BNIP1: variants seen among roughly 807,000 people sequenced by gnomAD.
The protein encoded by BNIP1 is vesicle transport protein SEC20.
BNIP1 carries 25 observed loss-of-function variants against 28.5 expected under a neutral mutation model. The observed-to-expected ratio is 0.88, with a 90% CI of 0.64 to 1.23. The LOEUF (loss-of-function observed/expected upper bound fraction) is 1.23, where lower values mean the gene tolerates loss of function less well. BNIP1 is among the 50% of genes most tolerant of loss of function. The pLI is 0.00. For missense variants in BNIP1, 276 were observed against 277.0 expected, an observed-to-expected ratio of 1.00 and a Z score of 0.02; for synonymous variants, 118 against 101.7, an observed-to-expected ratio of 1.16 and a Z score of -0.96.
At chr5:173,151,622 A>C in intron 2 of BNIP1, 1 of 1,612,416 alleles carries the variant, frequency 6.2e-7, no homozygotes, top group South Asian at 1.1e-5. Context: ...TTTTTAAGCT[A>C]ACTTATTCCC....
intron 2 of BNIP1, among the ~76,000 whole-genome samples, chr5:173,152,629 G>A (rs754385293): frequency 3.2e-4 from 49 of 152,164 alleles, no homozygotes; most frequent in Non-Finnish European, 5.7e-4. Flanking sequence ...AATTATAGGC[G>A]TGAACCACCA....
intron 3 of BNIP1, among the ~76,000 whole-genome samples, chr5:173,158,494 C>T (rs3749704): frequency 0.034 from 5,204 of 152,280 alleles, 123 homozygotes; most frequent in South Asian, 0.088. Flanking sequence ...CTTGGGCTGA[C>T]GGGGGCAGAG....
intron 4 of BNIP1, 125 bp downstream of exon 4, chr5:173,158,970 G>A: frequency 3.2e-5 from 19 of 593,444 alleles, no homozygotes; most frequent in Admixed American, 3.7e-5. Context: ...TTTTAAGTTT[G>A]AAAAAAATGC....
chr5:173,156,942 C>T (rs1760215126), intron 3 of BNIP1, among the ~76,000 whole-genome samples: 1 of 151,486 alleles, frequency 6.6e-6, no homozygotes, highest in Admixed American at 6.6e-5. Flanking sequence ...AGGCACCGTG[C>T]CCAGCCGACC....
chr5:173,144,948 C>T (rs5745104), intron 1 of BNIP1: 14,252 of 265,858 alleles, frequency 0.054, 497 homozygotes, highest in Middle Eastern at 0.13. Flanking sequence ...CCCTGACTAC[C>T]TCACAACCTA....
chr5:173,145,565 C>G (rs1026473152), intron 1 of BNIP1, among the ~76,000 whole-genome samples: 2 of 152,192 alleles, frequency 1.3e-5, no homozygotes, highest in African/African-American at 2.4e-5. Flanking sequence ...CCACGCCCGG[C>G]TAATTTTTGT....
chr5:173,148,134 A>ATATT, intron 2 of BNIP1, among the ~76,000 whole-genome samples: 1 of 99,570 alleles, frequency 1.0e-5, no homozygotes, highest in East Asian at 3.3e-4. Flanking sequence ...ATATATATAT[A>ATATT]TATTTTAATA....
intron 2 of BNIP1, 87 bp from the exon 3 acceptor site, chr5:173,154,235 G>A (rs1760113451): frequency 8.2e-7 from 1 of 1,215,458 alleles, no homozygotes; most frequent in African/African-American, 1.5e-5. Context: ...AAGTGCTATT[G>A]TATGCCCTTG....
chr5:173,157,699 G>A (rs1561597947), intron 3 of BNIP1, among the ~76,000 whole-genome samples: 1 of 151,836 alleles, frequency 6.6e-6, no homozygotes, highest in Non-Finnish European at 1.5e-5. Flanking sequence ...ACAGATGTGA[G>A]CCACCACGCC....
intron 3 of BNIP1, among the ~76,000 whole-genome samples, chr5:173,155,039 A>G (rs1388558397): frequency 2.0e-5 from 3 of 152,210 alleles, no homozygotes; most frequent in South Asian, 2.1e-4. Flanking sequence ...GATAATTGGT[A>G]CCAGAAAAAA....
In BNIP1 at chr5:173,154,332, A is replaced by C. The variant is rs995363344; in HGVS notation, c.188A>C (p.Gln63Pro). 1 of 1,613,576 alleles carries C rather than the reference A, an allele frequency of 6.2e-7. No individual in the cohort carries two copies. The highest frequency in any genetic ancestry group is 1.7e-5 in the Admixed American group (1 of 59,894). ...QLRHRIQDLE[Q>P]LAKEQDKESE... ...TATTTTTCCTCAAAGGACCTGGAGC[A>C]GTTGGCTAAAGAGCAAGACAAAGAA... Residue 63 changes from glutamine (Q) to proline (P), a missense_variant, in exon 3 of 6, where the codon CAG becomes CCG. By Grantham distance (76) the Gln-to-Pro change is moderately conservative (BLOSUM62 -1). Transcript: ENST00000351486.
rs1760245855 is a variant in BNIP1 at position 173,157,902 on chromosome 5, T to C, written c.270-842T>C. The stretch of plus-strand genomic sequence containing the variant: ...AACCTTGAAGAAATATTTTGAAAGA[T>C]TGGCTTTTTGTGTGTGTGTGTGTGT... On this transcript the variant is annotated intron_variant, in intron 3 of 5. Transcript: ENST00000351486. Among the ~76,000 whole-genome samples the C allele has an allele frequency of 3.3e-5, 5 of 151,924 alleles. No individual in the cohort carries two copies. The South Asian group carries it at 8.3e-4, about 25-fold the overall frequency.
intron 2 of BNIP1, among the ~76,000 whole-genome samples, chr5:173,149,114 G>C (rs1759945645): frequency 6.6e-6 from 1 of 152,210 alleles, no homozygotes; most frequent in African/African-American, 2.4e-5. Context: ...AGAAGTAGCA[G>C]TTTGAATAGT....
At chr5:173,147,353 C>T (rs1006673423) in intron 2 of BNIP1, among the ~76,000 whole-genome samples, 5 of 151,430 alleles carry the variant, frequency 3.3e-5, no homozygotes, top group South Asian at 2.1e-4. Context: ...TGCAGTGAGC[C>T]GAGATCGAGC....
At chr5:173,163,361 C>T (rs899550377) in intron 5 of BNIP1, among the ~76,000 whole-genome samples, 5 of 152,224 alleles carry the variant, frequency 3.3e-5, no homozygotes, top group African/African-American at 1.2e-4. Context: ...CCAACACAGA[C>T]CTCACAGTGC....
intron 1 of BNIP1, among the ~76,000 whole-genome samples, chr5:173,145,244 T>C (rs1209029592): frequency 6.6e-6 from 1 of 152,210 alleles, no homozygotes; most frequent in Admixed American, 6.5e-5. Flanking sequence ...CCTTAGAGTG[T>C]TACCCCGTTT....
intron 1 of BNIP1, chr5:173,144,874 A>C: frequency 2.2e-6 from 1 of 459,188 alleles, no homozygotes; most frequent in Non-Finnish European, 3.9e-6. Context: ...TCCGCCCCTG[A>C]CTCAGCTACT....
At chr5:173,156,627 C>G (rs997889534) in intron 3 of BNIP1, among the ~76,000 whole-genome samples, 2 of 150,762 alleles carry the variant, frequency 1.3e-5, no homozygotes, top group East Asian at 3.9e-4. Context: ...GGAGACAGAA[C>G]GAGACCCTGC....
At chr5:173,150,653 C>T (rs753830210) in intron 2 of BNIP1, among the ~76,000 whole-genome samples, 2 of 152,184 alleles carry the variant, frequency 1.3e-5, no homozygotes, top group Non-Finnish European at 2.9e-5. Context: ...CTCAGTTATG[C>T]CCCAGTTTTG....
Sources: allele counts gnomAD v4.1 joint callset (sites outside exome capture counted in the v4.1 genomes callset), GRCh38; gene constraint gnomAD v4.1.1; transcripts MANE v1.5; gene names NCBI Gene and HGNC (gene_info 2026-07-23, HGNC 2026-07-21).